The following XKR6 variants were observed in gnomAD, a reference collection of about 807,000 sequenced individuals.
XKR6 encodes the protein XK related 6, also known as XK-related protein 6.
XKR6 carries 22 observed loss-of-function variants against 56.7 expected under a neutral mutation model. The ratio of observed to expected loss-of-function variants is 0.39; its 90% CI spans 0.28 to 0.55. The LOEUF (loss-of-function observed/expected upper bound fraction) is 0.55. Among genes scored for constraint, XKR6 ranks in the 20% least tolerant of loss-of-function variants. The pLI is 0.66. For missense variants in XKR6, 852 were observed against 889.0 expected (o/e 0.96, Z 0.53); for synonymous variants, 524 against 387.8 (o/e 1.35, Z -4.13).
At chr8:11,136,545 C>T (rs1800412148) in intron 1 of XKR6, among the ~76,000 whole-genome samples, 1 of 151,868 alleles carries the variant, frequency 6.6e-6, no homozygotes, top group African/African-American at 2.4e-5. Context: ...AGCCCTAACC[C>T]CCATTGTGAT....
intron 1 of XKR6, among the ~76,000 whole-genome samples, chr8:10,986,735 C>A (rs931943851): frequency 6.6e-6 from 1 of 151,906 alleles, no homozygotes; most frequent in Middle Eastern, 3.4e-3. Flanking sequence ...GTTTCCTTAT[C>A]TATGAAGTAA....
chr8:11,017,602 G>T lies in XKR6; in HGVS notation c.765-92772C>A, dbSNP rs575207273. Among the ~76,000 whole-genome samples, 8 of 152,358 alleles carry T rather than the reference G, an allele frequency of 5.3e-5. No homozygotes were observed. The South Asian group carries it at 1.7e-3, about 32-fold the overall frequency. ...AGAGACCCTGGGCCTGCTCGAGAGG[G>T]GCTGACATTATGGTGGGCATCAGAG... On this transcript the variant is annotated intron_variant, in intron 1 of 2. Transcript: ENST00000416569.
intron 1 of XKR6, among the ~76,000 whole-genome samples, chr8:11,176,972 C>T (rs568947264): frequency 2.6e-5 from 4 of 152,212 alleles, no homozygotes; most frequent in Non-Finnish European, 4.4e-5. Context: ...GGCAAACATG[C>T]ATGCACTGGT....
At chr8:11,019,858 C>T (rs979998478) in intron 1 of XKR6, among the ~76,000 whole-genome samples, 1 of 152,206 alleles carries the variant, frequency 6.6e-6, no homozygotes. Flanking sequence ...TAAGCTCAAA[C>T]CCAGAAAAGA....
chr8:11,071,701 G>C (rs1046940390), intron 1 of XKR6, among the ~76,000 whole-genome samples: 1 of 152,000 alleles, frequency 6.6e-6, no homozygotes, highest in Non-Finnish European at 1.5e-5. Context: ...TATGAGCCCC[G>C]AGTCTATGAG....
intron 1 of XKR6, among the ~76,000 whole-genome samples, chr8:10,990,820 C>A (rs544571743): frequency 2.6e-5 from 4 of 151,484 alleles, no homozygotes; most frequent in South Asian, 4.2e-4. Context: ...TGGGCTCAAG[C>A]GATCCACCTG....
chr8:11,009,932 G>A (rs915539900), intron 1 of XKR6, among the ~76,000 whole-genome samples: 7 of 152,094 alleles, frequency 4.6e-5, no homozygotes, highest in African/African-American at 1.7e-4. Flanking sequence ...ATCTAAAACT[G>A]TTCTAAATTA....
At chr8:11,011,710 C>T (rs62490736) in intron 1 of XKR6, among the ~76,000 whole-genome samples, 8 of 152,066 alleles carry the variant, frequency 5.3e-5, no homozygotes, top group South Asian at 2.1e-4. Context: ...GGCTGCGATG[C>T]GGGAAGGCCT....
chr8:10,924,885 G>A, intron 1 of XKR6, 55 bp from the exon 2 acceptor site: 1 of 1,543,096 alleles, frequency 6.5e-7, no homozygotes. Flanking sequence ...AGGGGCTCCA[G>A]AGGACCCTTG....
At chr8:11,154,195 T>C (rs1252055133) in intron 1 of XKR6, among the ~76,000 whole-genome samples, 2 of 152,188 alleles carry the variant, frequency 1.3e-5, no homozygotes, top group Non-Finnish European at 2.9e-5. Flanking sequence ...TCATGTGATT[T>C]AGGGTGGGAG....
intron 1 of XKR6, among the ~76,000 whole-genome samples, chr8:11,069,008 G>A (rs551584395): frequency 2.6e-5 from 4 of 152,222 alleles, no homozygotes; most frequent in East Asian, 1.9e-4. Context: ...CAACCTCGGG[G>A]TCCTGATTGT....
chr8:11,158,014 A>T lies in XKR6; in HGVS notation c.764+42562T>A, dbSNP rs138789543. On this transcript the variant is annotated intron_variant, in intron 1 of 2. Transcript: ENST00000416569. The stretch of plus-strand genomic sequence containing the variant: ...ATTGCAATTATGAAAATTATAAATT[A>T]CAACTTAAAAGTTGGTGATTGGTAT... Among the ~76,000 whole-genome samples, 874 of 152,358 alleles carry T rather than the reference A, an allele frequency of 5.7e-3. 11 individuals carry two copies. Among genetic ancestry groups the T allele is most frequent in the African/African-American group, 0.02 (844 of 41,578 alleles).
At chr8:11,190,512 C>T (rs1803519890) in intron 1 of XKR6, among the ~76,000 whole-genome samples, 1 of 152,138 alleles carries the variant, frequency 6.6e-6, no homozygotes, top group Non-Finnish European at 1.5e-5. Flanking sequence ...AAAACTGTGT[C>T]CTAAGACACA....
At chr8:10,915,507 C>CT (rs5889350) in intron 2 of XKR6, among the ~76,000 whole-genome samples, 24 of 149,944 alleles carry the variant, frequency 1.6e-4, no homozygotes, top group East Asian at 2.0e-4. Context: ...TCTCCTGTTT[C>CT]TTTTTTTTTT....
At chr8:11,064,481 A>G (rs1331640369) in intron 1 of XKR6, among the ~76,000 whole-genome samples, 1 of 152,264 alleles carries the variant, frequency 6.6e-6, no homozygotes, top group Non-Finnish European at 1.5e-5. Context: ...AGGAAGCAGA[A>G]TAATTTATAG....
intron 1 of XKR6, among the ~76,000 whole-genome samples, chr8:10,989,544 A>G (rs1797940496): frequency 6.6e-6 from 1 of 152,254 alleles, no homozygotes; most frequent in South Asian, 2.1e-4. Flanking sequence ...ACCATATAGC[A>G]GAGTGGTTGG....
At chr8:11,003,481 C>T (rs1273277364) in intron 1 of XKR6, among the ~76,000 whole-genome samples, 1 of 152,244 alleles carries the variant, frequency 6.6e-6, no homozygotes, top group Non-Finnish European at 1.5e-5. Flanking sequence ...CCACCACCAT[C>T]ACCATCTTCA....
rs79430230 is a variant in XKR6 at position 11,032,640 on chromosome 8, C to G, written c.765-107810G>C. Among the ~76,000 whole-genome samples the G allele has an allele frequency of 8.5e-3, 1,290 of 152,290 alleles. 22 individuals carry two copies. The highest frequency in any genetic ancestry group is 0.029 in the African/African-American group (1,218 of 41,554). ...GAAGTTGAGGGCAAGACTGTTTGCC[C>G]TCCCCAGGCTCACCAGAGAAGGTAC... On this transcript the variant is annotated intron_variant, in intron 1 of 2. Coordinates refer to ENST00000416569, the MANE Select transcript of XKR6 (RefSeq NM_173683.4).
intron 1 of XKR6, among the ~76,000 whole-genome samples, chr8:11,045,007 T>G (rs1289384250): frequency 4.6e-5 from 7 of 150,798 alleles, no homozygotes; most frequent in African/African-American, 1.7e-4. Flanking sequence ...TCAACTCCAG[T>G]GATCTTTGCT....
Sources: allele counts gnomAD v4.1 joint callset (sites outside exome capture counted in the v4.1 genomes callset), GRCh38; gene constraint gnomAD v4.1.1; transcripts MANE v1.5; gene names NCBI Gene and HGNC (gene_info 2026-07-23, HGNC 2026-07-21).